Variants in SLC16A9 observed in about 807,000 individuals in gnomAD.
SLC16A9 encodes monocarboxylate transporter 9.
In SLC16A9, 26 loss-of-function variants were observed where a neutral mutation model predicts 44.3. The observed-to-expected ratio is 0.59, with a 90% confidence interval of 0.43 to 0.81. The LOEUF (loss-of-function observed/expected upper bound fraction) is 0.81, where lower values mean the gene tolerates loss of function less well. SLC16A9 is among the 40% of genes least tolerant of loss of function. The probability of loss-of-function intolerance (pLI) is 0.00; values close to 1 mark genes in which losing one functional copy is unlikely to be tolerated. For synonymous variants in SLC16A9, 230 were observed against 225.1 expected, an observed-to-expected ratio of 1.02 and a Z score of -0.19; for missense variants, 559 against 595.8, an observed-to-expected ratio of 0.94 and a Z score of 0.64.
chr10:59,654,261 T>C lies in SLC16A9; in HGVS notation c.765A>G (p.Lys255=). 1 of 1,614,202 alleles carries C rather than the reference T, an allele frequency of 6.2e-7. No individual in the cohort carries two copies. The highest frequency in any genetic ancestry group is 8.5e-7 in the Non-Finnish European group (1 of 1,180,024). Residue 255 remains lysine (K), a synonymous_variant, in exon 5 of 6, where the codon AAA becomes AAG. Transcript: ENST00000395348. The part of the protein sequence containing the change: ...GDWKQDSLLH[K]NPTVTHTKEP... ...CTTTTGTGTGTGTCACTGTGGGGTT[T>C]TTATGAAGTAGGCTGTCTTGTTTCC...
At position 59,654,206 on chromosome 10, in the gene SLC16A9, C is replaced by T. The variant is rs1839291737; in HGVS notation, c.820G>A (p.Glu274Lys). 2 of 1,613,996 alleles carry T rather than the reference C, an allele frequency of 1.2e-6. No individual in the cohort carries two copies. The highest frequency in any genetic ancestry group is 1.3e-5 in the African/African-American group (1 of 74,902). Residue 274 changes from glutamate to lysine, a missense_variant, in exon 5 of 6, where the codon GAA (glutamate) becomes AAA (lysine). Physicochemically the swap from Glu to Lys is moderately conservative, Grantham distance 56. Coordinates refer to ENST00000395348, the MANE Select transcript of SLC16A9 (RefSeq NM_194298.3). Reference protein sequence around the residue: ...EPETYKKKVAEQTYFCKQLAK... With the variant: ...EPETYKKKVAKQTYFCKQLAK... ...AGCTGTTTGCAAAAATATGTCTGTT[C>T]TGCAACTTTCTTTTTGTACGTTTCA...
At chr10:59,687,430 T>A (rs910365829) in intron 1 of SLC16A9, among the ~76,000 whole-genome samples, 8 of 152,244 alleles carry the variant, frequency 5.3e-5, no homozygotes, top group Non-Finnish European at 1.0e-4. Context: ...ATTTTATCAA[T>A]GTATTTCCAG....
rs1018998906 is a variant in SLC16A9 at position 59,686,509 on chromosome 10, A to C, written c.-36-2182T>G. ...GTTCTTAGTGTTTAAAATGTTCCTC[A>C]ATATTTCATTGTATTGTATTTTTAT... On this transcript the variant is annotated intron_variant, in intron 1 of 5. Coordinates refer to ENST00000395348, the MANE Select transcript of SLC16A9 (RefSeq NM_194298.3). 2.0e-5 allele frequency among the ~76,000 whole-genome samples: 3 copies of C among 152,196 alleles called. No individual in the cohort carries two copies. In the South Asian group the frequency reaches 6.2e-4, roughly 32 times the overall value.
chr10:59,684,128 C>A lies in SLC16A9; in HGVS notation c.164G>T (p.Gly55Val). 6.2e-7 allele frequency: 1 copy of A among 1,613,718 alleles called. No individual in the cohort carries two copies. The highest frequency in any genetic ancestry group is 1.1e-5 in the South Asian group (1 of 90,958). The change falls in exon 2 of 6, where the codon GGA becomes GTA. Residue 55 changes from glycine to valine, a missense_variant. Physicochemically the swap from Gly to Val is moderately radical, Grantham distance 109. Transcript: ENST00000395348. ...GEGKGKTAWV[G>V]SLASGVGLLA... ...CAAGCCAACTCCACTTGCCAGGGAT[C>A]CAACCCAGGCTGTTTTTCCTTTTCC... is the stretch of plus-strand genomic sequence containing the variant.
chr10:59,699,283 A>G lies in SLC16A9; in HGVS notation c.-37+10196T>C, dbSNP rs143515376. 4.3e-3 allele frequency among the ~76,000 whole-genome samples: 652 copies of G among 152,314 alleles called. 6 individuals are homozygous for G. Among genetic ancestry groups the G allele is most frequent in the African/African-American group, 0.015 (610 of 41,568 alleles). On this transcript the variant is annotated intron_variant, in intron 1 of 5. Transcript: ENST00000395348. ...CTCAGTGTGGGAAAGGTAGCAGGAG[A>G]GAGGCTGTGATCATTTGGTAAAGGT...
intron 5 of SLC16A9, among the ~76,000 whole-genome samples, chr10:59,653,261 A>G (rs1466766890): frequency 6.7e-6 from 1 of 150,206 alleles, no homozygotes; most frequent in Non-Finnish European, 1.5e-5. Context: ...CTACTAAACA[A>G]CAACAACAAA....
chr10:59,699,050 G>A (rs193186051), intron 1 of SLC16A9, among the ~76,000 whole-genome samples: 2 of 152,174 alleles, frequency 1.3e-5, no homozygotes, highest in Admixed American at 1.3e-4. Flanking sequence ...CTGCACAGTC[G>A]AGTTTATCTT....
At chr10:59,670,843 C>G (rs1839733193) in intron 3 of SLC16A9, among the ~76,000 whole-genome samples, 1 of 152,038 alleles carries the variant, frequency 6.6e-6, no homozygotes, top group South Asian at 2.1e-4. Flanking sequence ...ATTCCATGAG[C>G]CCTATACTAT....
intron 1 of SLC16A9, among the ~76,000 whole-genome samples, chr10:59,691,596 AG>A (rs1840253756): frequency 6.6e-6 from 1 of 152,232 alleles, no homozygotes; most frequent in African/African-American, 2.4e-5. Flanking sequence ...ATTAGTAGAA[AG>A]GATAGTATAT....
chr10:59,706,416 T>C (rs906702318), intron 1 of SLC16A9, among the ~76,000 whole-genome samples: 5 of 152,198 alleles, frequency 3.3e-5, no homozygotes, highest in Admixed American at 1.3e-4. Context: ...GATACTATCT[T>C]GGAAAGCCAT....
intron 1 of SLC16A9, among the ~76,000 whole-genome samples, chr10:59,705,497 GACATA>G (rs1840617938): frequency 2.0e-5 from 3 of 152,040 alleles, no homozygotes; most frequent in Admixed American, 2.0e-4. Context: ...TGGCTCCCTT[GACATA>G]ACATGTTTAA....
intron 1 of SLC16A9, among the ~76,000 whole-genome samples, chr10:59,706,653 A>ACACACACACACACACACACAC (rs1564716471): frequency 6.6e-6 from 1 of 151,900 alleles, no homozygotes; most frequent in African/African-American, 2.4e-5. Context: ...ACACACACAC[A>ACACACACACACACACACACAC]ATAGGAGACT....
At chr10:59,696,099 C>T (rs1166586920) in intron 1 of SLC16A9, among the ~76,000 whole-genome samples, 6 of 152,130 alleles carry the variant, frequency 3.9e-5, no homozygotes, top group South Asian at 2.1e-4. Context: ...TCTCCCTCTC[C>T]GTCTCCCCAC....
chr10:59,654,195 A>G lies in SLC16A9; in HGVS notation c.831T>C (p.Tyr277=), dbSNP rs1321829544. The G allele has an allele frequency of 6.2e-7, 1 of 1,614,082 alleles. No homozygotes were observed. Among genetic ancestry groups the G allele is most frequent in the Non-Finnish European group, 8.5e-7 (1 of 1,180,000 alleles). ...TYKKKVAEQT[Y]FCKQLAKRKW... ...TCCTCTTGGCAAGCTGTTTGCAAAA[A>G]TATGTCTGTTCTGCAACTTTCTTTT... The change falls in exon 5 of 6, where the codon TAT becomes TAC. Residue 277 remains tyrosine, a synonymous_variant. Coordinates refer to ENST00000395348, the MANE Select transcript of SLC16A9 (RefSeq NM_194298.3).
chr10:59,678,558 A>G, intron 2 of SLC16A9, among the ~76,000 whole-genome samples: 1 of 2,494 alleles, frequency 4.0e-4, no homozygotes, highest in African/African-American at 6.3e-4. Flanking sequence ...TTTTTTTGAG[A>G]CGGAGTCTCG....
chr10:59,653,639 C>T, intron 5 of SLC16A9, 36 bp downstream of exon 5: 1 of 1,553,818 alleles, frequency 6.4e-7, no homozygotes, highest in African/African-American at 1.4e-5. Context: ...CAAGGAAGAA[C>T]AGTAAAATGG....
intron 3 of SLC16A9, among the ~76,000 whole-genome samples, chr10:59,668,506 A>G (rs1028902348): frequency 6.6e-6 from 1 of 152,102 alleles, no homozygotes; most frequent in African/African-American, 2.4e-5. Flanking sequence ...TCCTTTCATC[A>G]TTGCACTTAT....
chr10:59,693,516 T>C (rs1420184575), intron 1 of SLC16A9, among the ~76,000 whole-genome samples: 1 of 152,236 alleles, frequency 6.6e-6, no homozygotes, highest in Non-Finnish European at 1.5e-5. Flanking sequence ...TCATTCTGTA[T>C]GTCTATATAT....
chr10:59,662,728 A>G (rs1465709934), intron 4 of SLC16A9, among the ~76,000 whole-genome samples: 1 of 152,056 alleles, frequency 6.6e-6, no homozygotes, highest in East Asian at 1.9e-4. Context: ...GTCATTAGAG[A>G]AATGCAAATC....
Sources: allele counts gnomAD v4.1 joint callset (sites outside exome capture counted in the v4.1 genomes callset), GRCh38; gene constraint gnomAD v4.1.1; transcripts MANE v1.5; gene names NCBI Gene and HGNC (gene_info 2026-07-23, HGNC 2026-07-21).